The following ASTN2 variants were observed in gnomAD, a reference collection of about 807,000 sequenced individuals.
The protein encoded by ASTN2 is astrotactin-2.
In ASTN2, 54 loss-of-function variants were observed where a neutral mutation model predicts 139.8. The ratio of observed to expected loss-of-function variants is 0.39; its 90% confidence interval spans 0.31 to 0.48. The LOEUF (loss-of-function observed/expected upper bound fraction) is 0.48, where lower values mean the gene tolerates loss of function less well. Among genes scored for constraint, ASTN2 ranks in the 20% least tolerant of loss-of-function variants. The pLI, the probability that ASTN2 is intolerant of heterozygous loss-of-function variation, is 0.95. For missense variants in ASTN2, 1,565 were observed against 1,725.1 expected (o/e 0.91, Z 1.64); for synonymous variants, 756 against 719.5 (o/e 1.05, Z -0.81).
intron 2 of ASTN2, among the ~76,000 whole-genome samples, chr9:117,261,134 C>T (rs1833812793): frequency 1.3e-5 from 2 of 152,164 alleles, no homozygotes; most frequent in Admixed American, 1.3e-4. Context: ...GAATTCCCTG[C>T]TTTCATGAAG....
chr9:117,058,497 G>A (rs1246510028), intron 5 of ASTN2, among the ~76,000 whole-genome samples: 1 of 152,210 alleles, frequency 6.6e-6, no homozygotes, highest in Non-Finnish European at 1.5e-5. Context: ...CCATTTTACA[G>A]AGGAGAAACT....
intron 11 of ASTN2, among the ~76,000 whole-genome samples, chr9:116,858,687 G>C (rs749306856): frequency 1.3e-5 from 2 of 152,022 alleles, no homozygotes; most frequent in African/African-American, 2.4e-5. Flanking sequence ...ACACTGAAGG[G>C]GAACACAGGC....
rs565370500 is a variant in ASTN2, at chr9:117,388,911, T to G, written c.442+25586A>C. ...AAATATGACATCAGTCACTCCTCAT[T>G]GACCATAAAATAATTTATTCAATGT... On this transcript the variant is annotated intron_variant, in intron 1 of 22. Coordinates refer to ENST00000313400, the MANE Select transcript of ASTN2 (RefSeq NM_001365068.1). 3.3e-5 allele frequency among the ~76,000 whole-genome samples: 5 copies of G among 152,320 alleles called. No individual in the cohort carries two copies. In the East Asian group the frequency reaches 9.6e-4, roughly 29 times the overall value.
chr9:117,012,454 A>T (rs1837563908), intron 6 of ASTN2, among the ~76,000 whole-genome samples: 1 of 152,126 alleles, frequency 6.6e-6, no homozygotes. Flanking sequence ...CGTTGATTAA[A>T]CTCCTTCCTG....
intron 16 of ASTN2, among the ~76,000 whole-genome samples, chr9:116,654,040 G>T (rs966203524): frequency 6.6e-6 from 1 of 152,148 alleles, no homozygotes; most frequent in Non-Finnish European, 1.5e-5. Context: ...TAGACCAGAC[G>T]GATAGTTTTG....
intron 2 of ASTN2, among the ~76,000 whole-genome samples, chr9:117,256,579 T>C (rs1249687084): frequency 6.6e-6 from 1 of 152,172 alleles, no homozygotes; most frequent in Admixed American, 6.5e-5. Context: ...TATAAGCCCA[T>C]GTTCATTTCA....
chr9:117,035,411 A>G (rs1386964547), intron 6 of ASTN2, among the ~76,000 whole-genome samples: 1 of 152,108 alleles, frequency 6.6e-6, no homozygotes, highest in African/African-American at 2.4e-5. Flanking sequence ...ATAAATATCA[A>G]TGCTAACGGA....
chr9:116,439,193 C>CTTTTTTTTTTTT (rs1564277528), intron 22 of ASTN2, among the ~76,000 whole-genome samples: 3 of 102,778 alleles, frequency 2.9e-5, no homozygotes, highest in African/African-American at 7.4e-5. Flanking sequence ...TATTCAAATA[C>CTTTTTTTTTTTT]ATTTTTTTTT....
chr9:117,273,493 G>A (rs911699719), intron 2 of ASTN2, among the ~76,000 whole-genome samples: 1 of 152,146 alleles, frequency 6.6e-6, no homozygotes, highest in African/African-American at 2.4e-5. Flanking sequence ...TAAGGGACGA[G>A]TGTGTGAAGT....
chr9:116,528,697 C>G (rs62574375), intron 19 of ASTN2, among the ~76,000 whole-genome samples: 1 of 152,202 alleles, frequency 6.6e-6, no homozygotes, highest in Admixed American at 6.5e-5. Context: ...GCCTAGGAGG[C>G]AATAATGGTT....
chr9:116,940,098 A>G (rs138652500), intron 10 of ASTN2, among the ~76,000 whole-genome samples: 24 of 152,326 alleles, frequency 1.6e-4, no homozygotes, highest in African/African-American at 5.8e-4. Flanking sequence ...TTATTCTACT[A>G]TACTTTTAAT....
intron 2 of ASTN2, among the ~76,000 whole-genome samples, chr9:117,258,279 G>A (rs1469326344): frequency 6.6e-6 from 1 of 152,152 alleles, no homozygotes; most frequent in East Asian, 1.9e-4. Flanking sequence ...ATCAGACTCA[G>A]AGAGTCTCTG....
At chr9:117,057,083 CT>C in intron 5 of ASTN2, among the ~76,000 whole-genome samples, 1 of 152,138 alleles carries the variant, frequency 6.6e-6, no homozygotes, top group East Asian at 1.9e-4. Context: ...TACTTAATTT[CT>C]TTATGCATGT....
intron 5 of ASTN2, among the ~76,000 whole-genome samples, chr9:117,051,318 A>T (rs1353182840): frequency 2.0e-5 from 3 of 152,178 alleles, no homozygotes; most frequent in Non-Finnish European, 4.4e-5. Flanking sequence ...ATATTATTTT[A>T]TTTGATTAAT....
chr9:116,438,805 C>T (rs1484488196), intron 22 of ASTN2, among the ~76,000 whole-genome samples: 1 of 152,042 alleles, frequency 6.6e-6, no homozygotes, highest in Non-Finnish European at 1.5e-5. Flanking sequence ...TAAAAATTAG[C>T]CGGGCCTGGT....
chr9:117,366,163 G>T (rs925964557), intron 1 of ASTN2, among the ~76,000 whole-genome samples: 16 of 152,102 alleles, frequency 1.1e-4, no homozygotes, highest in African/African-American at 3.9e-4. Flanking sequence ...CACAGATAAA[G>T]ATTTCCAAAA....
chr9:116,997,693 A>G (rs1015615426), intron 7 of ASTN2, among the ~76,000 whole-genome samples: 5 of 152,202 alleles, frequency 3.3e-5, no homozygotes, highest in Non-Finnish European at 7.3e-5. Flanking sequence ...GAGAATGTCA[A>G]TCAACTACTT....
At chr9:117,387,657 G>A (rs1301253207) in intron 1 of ASTN2, among the ~76,000 whole-genome samples, 1 of 152,142 alleles carries the variant, frequency 6.6e-6, no homozygotes, top group Non-Finnish European at 1.5e-5. Context: ...CAGGATACGA[G>A]GCTGGAGATA....
In ASTN2 at chr9:116,804,795, C is replaced by CT. The variant is rs61117344; in HGVS notation, c.2396+836dup. ...GGAGAGCCTTGCTTTGTGATAATAT[C>CT]TTTTTTTTTATGCAAACATGGTTAA... On this transcript the variant is annotated intron_variant, in intron 13 of 22. Coordinates refer to ENST00000313400, the MANE Select transcript of ASTN2 (RefSeq NM_001365068.1). Among the ~76,000 whole-genome samples the CT allele has an allele frequency of 1.1e-4, 16 of 151,070 alleles. No individual in the cohort carries two copies. The South Asian group carries it at 2.1e-3, about 20-fold the overall frequency.
Sources: gnomAD v4.1 joint callset for allele counts (sites outside exome capture counted in the v4.1 genomes callset) on GRCh38, gnomAD v4.1.1 for gene constraint, MANE v1.5 for transcripts, NCBI Gene and HGNC (gene_info 2026-07-23, HGNC 2026-07-21) for gene names.